The following ZNF280C variants were observed in gnomAD, a reference collection of about 807,000 sequenced individuals.
The protein encoded by ZNF280C is suppressor of hairy wing homolog 3.
In ZNF280C, 14 loss-of-function variants were observed where a neutral mutation model predicts 53.6. The observed-to-expected ratio is 0.26, with a 90% CI of 0.17 to 0.41. The LOEUF (loss-of-function observed/expected upper bound fraction) is 0.41, where lower values mean the gene tolerates loss of function less well. Ranked by LOEUF, ZNF280C falls within the 10% of genes least tolerant of loss-of-function variation. The probability of loss-of-function intolerance (pLI) is 1.00; values close to 1 mark genes in which losing one functional copy is unlikely to be tolerated. For missense variants in ZNF280C, 416 were observed against 547.1 expected (o/e 0.76, Z 2.39); for synonymous variants, 203 against 181.1 (o/e 1.12, Z -0.97).
intron 16 of ZNF280C, among the ~76,000 whole-genome samples, chrX:130,209,047 G>C (rs965830854): frequency 4.5e-5 from 5 of 111,663 alleles, no homozygotes; most frequent in African/African-American, 1.3e-4. Flanking sequence ...ATGAGCTGTT[G>C]GTCCAACATT....
At position 130,226,888 on chromosome X, in the gene ZNF280C, T is replaced by C. The variant is rs2032226272; in HGVS notation, c.1266A>G (p.Ser422=). The C allele has an allele frequency of 1.7e-6, 2 of 1,198,681 alleles. No homozygotes were observed. The highest frequency in any genetic ancestry group is 2.2e-6 in the Non-Finnish European group (2 of 891,263). The part of the protein sequence containing the change: ...PYVCQVCQFR[S]STFSDVEAHF... The stretch of plus-strand genomic sequence containing the variant: ...GAGCTTCTACATCAGAAAATGTTGA[T>C]GATCTAAACTGGCAAACCTAGAAAT... The change falls in exon 12 of 19, where the codon TCA becomes TCG. Residue 422 remains serine, a synonymous_variant. Coordinates refer to ENST00000370978, the MANE Select transcript of ZNF280C (RefSeq NM_017666.5).
intron 8 of ZNF280C, among the ~76,000 whole-genome samples, chrX:130,232,661 C>G (rs189484955): frequency 3.8e-3 from 425 of 111,764 alleles, no homozygotes; most frequent in Non-Finnish European, 5.7e-3. Context: ...CCTATTAGAA[C>G]AGCTATATCA....
rs768839559 is a variant in ZNF280C at position 130,213,243 on chromosome X, T to G, written c.1979+1950A>C. Reference sequence around the variant, plus strand: ...TAAAAATTAGCCGGGCGTGGTGGCGTGTGCCTGTAGTCCCAGCTGCTGGGG... The same window carrying G: ...TAAAAATTAGCCGGGCGTGGTGGCGGGTGCCTGTAGTCCCAGCTGCTGGGG... On this transcript the variant is annotated intron_variant, in intron 15 of 18. Transcript: ENST00000370978. Among the ~76,000 whole-genome samples, 82 of 111,330 alleles carry G rather than the reference T, an allele frequency of 7.4e-4. 1 individual carries two copies. The highest frequency in any genetic ancestry group is 1.4e-3 in the Non-Finnish European group (76 of 52,956).
chrX:130,260,269 G>A (rs765972579), intron 2 of ZNF280C, 150 bp downstream of exon 2: 7 of 293,894 alleles, frequency 2.4e-5, no homozygotes, highest in Non-Finnish European at 3.7e-5. Context: ...GCGACACAGT[G>A]AGACTCTGTC....
chrX:130,235,252 A>G (rs1178173477), intron 8 of ZNF280C, among the ~76,000 whole-genome samples: 3 of 112,518 alleles, frequency 2.7e-5, no homozygotes, highest in African/African-American at 9.7e-5. Context: ...AGTGGCTCAC[A>G]CCTGTAATCC....
intron 1 of ZNF280C, 68 bp from the exon 2 acceptor site, chrX:130,260,533 T>C: frequency 1.1e-6 from 1 of 881,364 alleles, no homozygotes; most frequent in Non-Finnish European, 1.6e-6. Flanking sequence ...TATTGAAACA[T>C]GAAACCTGAG....
chrX:130,222,626 T>A (rs1214578528), intron 12 of ZNF280C, among the ~76,000 whole-genome samples: 1 of 112,423 alleles, frequency 8.9e-6, no homozygotes. Context: ...ATCCCTCTTA[T>A]GTATGTATGC....
intron 1 of ZNF280C, among the ~76,000 whole-genome samples, chrX:130,263,012 G>A (rs1018653391): frequency 5.3e-5 from 6 of 112,219 alleles, no homozygotes; most frequent in African/African-American, 1.9e-4. Flanking sequence ...ATAGTTAATG[G>A]ATGTCACTTT....
chrX:130,227,960 G>A (rs912484288), intron 10 of ZNF280C, among the ~76,000 whole-genome samples, 178 bp from the exon 11 acceptor site: 3 of 111,811 alleles, frequency 2.7e-5, no homozygotes, highest in African/African-American at 6.5e-5. Flanking sequence ...TTTAATTCTC[G>A]TAACATCACT....
In ZNF280C at chrX:130,204,689, T is replaced by C; in HGVS notation, c.*288A>G. On this transcript the variant is annotated 3_prime_UTR_variant, in exon 19 of 19. Transcript: ENST00000370978. ...AGATGAACAGTCATATTATCTGGAA[T>C]GTAATATTCTGAAGGCAAGTCAAGT... 1 of 249,073 alleles carries C rather than the reference T, an allele frequency of 4.0e-6. No individual in the cohort carries two copies. The highest frequency in any genetic ancestry group is 7.0e-6 in the Non-Finnish European group (1 of 141,943). The allele number at this position is 249,073 out of a possible 1,213,427, so 20.5% of individuals were successfully genotyped here.
intron 1 of ZNF280C, among the ~76,000 whole-genome samples, chrX:130,264,043 A>AAAAGAAAG (rs766511417): frequency 8.3e-4 from 85 of 103,014 alleles, no homozygotes; most frequent in African/African-American, 2.1e-3. Flanking sequence ...AAAAAAAAAG[A>AAAAGAAAG]AAAGAAAGAA....
intron 3 of ZNF280C, among the ~76,000 whole-genome samples, chrX:130,244,814 C>T (rs1603244239): frequency 9.9e-6 from 1 of 101,118 alleles, no homozygotes; most frequent in African/African-American, 3.7e-5. Context: ...AGAAAAGAAT[C>T]AGATCTCACA....
intron 11 of ZNF280C, among the ~76,000 whole-genome samples, chrX:130,227,476 C>A (rs972390974): frequency 6.3e-5 from 7 of 111,903 alleles, no homozygotes; most frequent in Non-Finnish European, 1.3e-4. Context: ...CAGCAAACTA[C>A]AACCCACAGG....
chrX:130,264,872 A>G (rs2032671707), intron 1 of ZNF280C, among the ~76,000 whole-genome samples: 1 of 111,620 alleles, frequency 9.0e-6, no homozygotes, highest in Non-Finnish European at 1.9e-5. Flanking sequence ...GGTGTCTGTG[A>G]AATGTTTTTC....
intron 16 of ZNF280C, among the ~76,000 whole-genome samples, 189 bp from the exon 17 acceptor site, chrX:130,205,604 C>T (rs947521171): frequency 1.3e-4 from 14 of 110,216 alleles, no homozygotes; most frequent in Admixed American, 1.3e-3. Context: ...GCTGGCCAGG[C>T]ACGGTGGCTC....
At chrX:130,226,177 A>G (rs2032219556) in intron 12 of ZNF280C, among the ~76,000 whole-genome samples, 1 of 112,463 alleles carries the variant, frequency 8.9e-6, no homozygotes, top group Admixed American at 9.4e-5. Context: ...TATAGTTCAC[A>G]TATCTGGTCA....
intron 2 of ZNF280C, among the ~76,000 whole-genome samples, chrX:130,247,861 G>A (rs2124711494): frequency 9.1e-6 from 1 of 109,508 alleles, no homozygotes; most frequent in Admixed American, 9.8e-5. Context: ...GGGAAATTAA[G>A]TGAAACTTAA....
At chrX:130,218,803 G>A (rs1207925099) in intron 13 of ZNF280C, among the ~76,000 whole-genome samples, 6 of 111,376 alleles carry the variant, frequency 5.4e-5, no homozygotes, top group Non-Finnish European at 9.4e-5. Context: ...TCACCACATA[G>A]GTTAAATAAT....
rs764646002 is a variant in ZNF280C at position 130,232,979 on chromosome X, G to GTA, written c.772-2254_772-2253dup. Among the ~76,000 whole-genome samples, 148 of 110,256 alleles carry GTA rather than the reference G, an allele frequency of 1.3e-3. 1 individual carries two copies. Among genetic ancestry groups the GTA allele is most frequent in the South Asian group, 0.012 (31 of 2,611 alleles). The stretch of plus-strand genomic sequence containing the variant: ...TATACAAATGGATGAGGAGGATGTG[G>GTA]TATATATATATACACACACACACAC... On this transcript the variant is annotated intron_variant, in intron 8 of 18. Transcript: ENST00000370978.
Sources: gnomAD v4.1 joint callset for allele counts (sites outside exome capture counted in the v4.1 genomes callset) on GRCh38, gnomAD v4.1.1 for gene constraint, MANE v1.5 for transcripts, NCBI Gene and HGNC (gene_info 2026-07-23, HGNC 2026-07-21) for gene names.